Variants in CLASP1 observed in about 807,000 individuals in gnomAD.
The protein encoded by CLASP1 is cytoplasmic linker associated protein 1.
A neutral mutation model predicts 192.3 loss-of-function variants in CLASP1; 38 were observed. The ratio of observed to expected loss-of-function variants is 0.20; its 90% CI spans 0.15 to 0.26. The LOEUF (loss-of-function observed/expected upper bound fraction) is 0.26. CLASP1 is among the 10% of genes least tolerant of loss of function. The pLI is 1.00. For synonymous variants in CLASP1, 691 were observed against 712.8 expected (o/e 0.97, Z 0.49); for missense variants, 1,433 against 1,932.5 (o/e 0.74, Z 4.85).
At chr2:121,383,800 C>T (rs1235414772) in intron 32 of CLASP1, among the ~76,000 whole-genome samples, 1 of 151,492 alleles carries the variant, frequency 6.6e-6, no homozygotes, top group Admixed American at 6.6e-5. Flanking sequence ...ATATGTACTT[C>T]ACATATTTAT....
At chr2:121,396,808 C>T (rs2075353321) in intron 30 of CLASP1, among the ~76,000 whole-genome samples, 1 of 152,076 alleles carries the variant, frequency 6.6e-6, no homozygotes, top group African/African-American at 2.4e-5. Context: ...GCCAGCTAGC[C>T]CTAGATCTGC....
chr2:121,353,133 C>A lies in CLASP1; in HGVS notation c.4207-4415G>T, dbSNP rs2064805558. On this transcript the variant is annotated intron_variant, in intron 37 of 39. Coordinates refer to ENST00000263710, the Ensembl canonical transcript of CLASP1. ...TCACTTGAGCCCAGGAATTTGAGAC[C>A]AGCCCGGGCAACATGGAGAAACCCC... Among the ~76,000 whole-genome samples the A allele has an allele frequency of 2.0e-5, 3 of 152,100 alleles. No homozygotes were observed. In the South Asian group the frequency reaches 6.2e-4, roughly 31 times the overall value.
chr2:121,528,672 C>T lies in CLASP1; in HGVS notation c.378+5G>A. 6.2e-7 allele frequency: 1 copy of T among 1,613,710 alleles called. No individual in the cohort carries two copies. The highest frequency in any genetic ancestry group is 8.5e-7 in the Non-Finnish European group (1 of 1,179,622). On this transcript the variant is annotated splice_donor_5th_base_variant and intron_variant, in intron 4 of 39. Transcript: ENST00000263710. ...CTGACCTCAAAACACATCTCTTGCC[C>T]CTACCTGGGGATTAGCAGCTTGATC...
intron 8 of CLASP1, among the ~76,000 whole-genome samples, chr2:121,472,372 G>T (rs1023894519): frequency 1.3e-5 from 2 of 152,130 alleles, no homozygotes; most frequent in African/African-American, 4.8e-5. Context: ...ACTACGTGCA[G>T]GCACCGGACA....
At chr2:121,481,262 G>C (rs1176383781) in intron 8 of CLASP1, among the ~76,000 whole-genome samples, 1 of 151,902 alleles carries the variant, frequency 6.6e-6, no homozygotes, top group Non-Finnish European at 1.5e-5. Flanking sequence ...GAGGAATTAG[G>C]AACATAATTT....
chr2:121,495,174 T>G (rs1380668076), intron 8 of CLASP1, among the ~76,000 whole-genome samples: 2 of 151,596 alleles, frequency 1.3e-5, no homozygotes, highest in African/African-American at 4.9e-5. Context: ...TACAAACAAA[T>G]TAGCTGGGCG....
At chr2:121,376,526 T>TGGGGGGGGGG (rs61313144) in intron 34 of CLASP1, among the ~76,000 whole-genome samples, 3 of 105,202 alleles carry the variant, frequency 2.9e-5, no homozygotes, top group Non-Finnish European at 3.9e-5. Context: ...TGGGAAGGGG[T>TGGGGGGGGGG]GGGGGGGGGG....
At chr2:121,460,585 A>C (rs2087714693) in intron 11 of CLASP1, among the ~76,000 whole-genome samples, 1 of 152,180 alleles carries the variant, frequency 6.6e-6, no homozygotes. Context: ...TGAATTTGAA[A>C]TACAATATAA....
At chr2:121,351,851 A>C (rs2064504814) in intron 37 of CLASP1, among the ~76,000 whole-genome samples, 1 of 152,204 alleles carries the variant, frequency 6.6e-6, no homozygotes, top group South Asian at 2.1e-4. Flanking sequence ...TAGAGAGGCA[A>C]TTTTATTTTA....
chr2:121,553,005 C>A (rs1407361423), intron 2 of CLASP1, among the ~76,000 whole-genome samples: 2 of 152,184 alleles, frequency 1.3e-5, no homozygotes, highest in Admixed American at 1.3e-4. Context: ...GAATACTATG[C>A]AGCCATAAAA....
intron 2 of CLASP1, among the ~76,000 whole-genome samples, chr2:121,552,368 G>A (rs1206631788): frequency 3.3e-5 from 5 of 152,152 alleles, no homozygotes; most frequent in Non-Finnish European, 7.4e-5. Context: ...AAGAGCTTCT[G>A]CACAGCAAAA....
At chr2:121,624,796 C>T (rs942655132) in intron 1 of CLASP1, among the ~76,000 whole-genome samples, 48 of 152,170 alleles carry the variant, frequency 3.2e-4, no homozygotes, top group African/African-American at 1.1e-3. Context: ...TATTTTAAAA[C>T]GTACAATTAA....
chr2:121,448,893 T>C (rs141395227), intron 17 of CLASP1, 60 bp downstream of exon 17: 3 of 1,541,230 alleles, frequency 1.9e-6, no homozygotes, highest in African/African-American at 2.7e-5. Context: ...TGTGTTTTCA[T>C]GTGACAAACT....
chr2:121,508,638 G>A (rs1480992385), intron 7 of CLASP1, among the ~76,000 whole-genome samples: 1 of 152,066 alleles, frequency 6.6e-6, no homozygotes, highest in Non-Finnish European at 1.5e-5. Context: ...TATAAAAGAT[G>A]GGGTTTCACT....
At chr2:121,463,522 T>C (rs1413000394) in intron 9 of CLASP1, among the ~76,000 whole-genome samples, 2 of 152,206 alleles carry the variant, frequency 1.3e-5, no homozygotes, top group Non-Finnish European at 2.9e-5. Context: ...GTGCTCTGTG[T>C]CTGTTTTAGC....
At chr2:121,470,782 T>G (rs986154357) in intron 8 of CLASP1, 7 of 331,394 alleles carry the variant, frequency 2.1e-5, no homozygotes, top group Non-Finnish European at 4.1e-5. Flanking sequence ...AAATGTACAT[T>G]TCTCCTAGAA....
chr2:121,504,089 G>A (rs908848371), intron 7 of CLASP1: 1 of 152,294 alleles, frequency 6.6e-6, no homozygotes, highest in Non-Finnish European at 1.5e-5. Flanking sequence ...AAAATTAGCT[G>A]GGTGTGGTGG....
chr2:121,358,061 C>T (rs1460385374), intron 37 of CLASP1, among the ~76,000 whole-genome samples: 2 of 152,228 alleles, frequency 1.3e-5, no homozygotes, highest in African/African-American at 4.8e-5. Flanking sequence ...TACACCACTA[C>T]CCATCAATCA....
At chr2:121,440,194 T>C (rs2083069431) in intron 19 of CLASP1, among the ~76,000 whole-genome samples, 1 of 152,118 alleles carries the variant, frequency 6.6e-6, no homozygotes, top group Admixed American at 6.6e-5. Context: ...GAACATTTCC[T>C]TACTTTTTTG....
Sources: gnomAD v4.1 joint callset for allele counts (sites outside exome capture counted in the v4.1 genomes callset) on GRCh38, gnomAD v4.1.1 for gene constraint, MANE v1.5 for transcripts, NCBI Gene and HGNC (gene_info 2026-07-23, HGNC 2026-07-21) for gene names.